Variants in WDFY1 observed in about 807,000 individuals in gnomAD.
WDFY1 encodes WD repeat and FYVE domain containing 1.
WDFY1 carries 32 observed loss-of-function variants against 56.4 expected under a neutral mutation model. The observed-to-expected ratio is 0.57, with a 90% CI of 0.43 to 0.76. The LOEUF is 0.76. WDFY1 is among the 30% of genes least tolerant of loss of function. The pLI is 0.00. For missense variants in WDFY1, 480 were observed against 545.7 expected, an observed-to-expected ratio of 0.88 and a Z score of 1.20; for synonymous variants, 192 against 197.3, an observed-to-expected ratio of 0.97 and a Z score of 0.23.
chr2:223,918,004 G>C lies in WDFY1; in HGVS notation c.144C>G (p.Ile48Met). 6.2e-7 allele frequency: 1 copy of C among 1,613,962 alleles called. No homozygotes were observed. Among genetic ancestry groups the C allele is most frequent in the East Asian group, 2.2e-5 (1 of 44,886 alleles). Residue 48 changes from isoleucine (I) to methionine (M), a missense_variant, in exon 2 of 12, where the codon ATC becomes ATG. Ile to Met is a conservative substitution (Grantham distance 10, BLOSUM62 1). Transcript: ENST00000233055. The stretch of plus-strand genomic sequence containing the variant: ...CACTGTCTCTTTTCAGCCATACCCG[G>C]ATGGTTCTGTGGAGAAAAGAAAAGA... ...GVITASEDRT[I>M]RVWLKRDSGQ...
intron 4 of WDFY1, 67 bp downstream of exon 4, chr2:223,905,880 A>T: frequency 1.8e-6 from 2 of 1,115,054 alleles, no homozygotes; most frequent in Non-Finnish European, 2.4e-6. Context: ...TCATCATAAG[A>T]GATGATGTTC....
At chr2:223,924,635 A>T (rs1023759194) in intron 1 of WDFY1, among the ~76,000 whole-genome samples, 3 of 152,158 alleles carry the variant, frequency 2.0e-5, no homozygotes, top group African/African-American at 7.2e-5. Flanking sequence ...AAGTGCTGGG[A>T]TTACAGGTGT....
At chr2:223,941,267 T>TA (rs949211501) in intron 1 of WDFY1, among the ~76,000 whole-genome samples, 2 of 150,088 alleles carry the variant, frequency 1.3e-5, no homozygotes, top group African/African-American at 4.9e-5. Context: ...CCCAAAAACT[T>TA]TTTTTTTTTA....
At position 223,882,040 on chromosome 2, in the gene WDFY1, G is replaced by A. The variant is rs766005412; in HGVS notation, c.966C>T (p.Cys322=). The A allele has an allele frequency of 3.1e-6, 5 of 1,613,726 alleles. No homozygotes were observed. Among genetic ancestry groups the A allele is most frequent in the East Asian group, 2.2e-5 (1 of 44,886 alleles). ...HHCRKCGQAV[C]GKCSSKRSSY... ...TTGAGCGCTTGCTGCTGCACTTCCC[G>A]CAGACAGCCTGCCCGCATTTCCTGC... Residue 322 remains cysteine, a synonymous_variant, in exon 10 of 12, where the codon TGC becomes TGT. Coordinates refer to ENST00000233055, the MANE Select transcript of WDFY1 (RefSeq NM_020830.5).
In WDFY1 at chr2:223,894,221, C is replaced by T. The variant is rs756764699; in HGVS notation, c.831+13G>A. 16 of 1,613,878 alleles carry T rather than the reference C, an allele frequency of 9.9e-6. No individual in the cohort carries two copies. In the South Asian group the frequency reaches 1.3e-4, roughly 13 times the overall value. ...TCTCCCCCGATCAGCCTGGACTTGC[C>T]CTTGTCTCTTACCTCTTCTCTGCTA... On this transcript the variant is annotated intron_variant, in intron 8 of 11. Coordinates refer to ENST00000233055, the MANE Select transcript of WDFY1 (RefSeq NM_020830.5).
At chr2:223,943,184 T>TAAAAA (rs11311599) in intron 1 of WDFY1, among the ~76,000 whole-genome samples, 8 of 137,182 alleles carry the variant, frequency 5.8e-5, no homozygotes. Context: ...GCCTCCATCT[T>TAAAAA]AAAAAAAAAA....
At chr2:223,882,511 A>G (rs1300378220) in intron 9 of WDFY1, among the ~76,000 whole-genome samples, 1 of 152,216 alleles carries the variant, frequency 6.6e-6, no homozygotes, top group African/African-American at 2.4e-5. Context: ...CAATGTATCA[A>G]TTAACACTCA....
At chr2:223,901,378 A>G in intron 4 of WDFY1, 45 bp from the exon 5 acceptor site, 1 of 1,608,016 alleles carries the variant, frequency 6.2e-7, no homozygotes. Flanking sequence ...CAGAAACAGC[A>G]CTCTATGGGG....
At chr2:223,882,385 T>C (rs1280647442) in intron 9 of WDFY1, among the ~76,000 whole-genome samples, 1 of 152,216 alleles carries the variant, frequency 6.6e-6, no homozygotes, top group African/African-American at 2.4e-5. Context: ...AGTGCTGGGA[T>C]TACAGGCGTG....
At chr2:223,924,188 A>G (rs1367666705) in intron 1 of WDFY1, among the ~76,000 whole-genome samples, 1 of 152,226 alleles carries the variant, frequency 6.6e-6, no homozygotes, top group Non-Finnish European at 1.5e-5. Flanking sequence ...ATCTTTTCCA[A>G]ACTTCTCCAT....
intron 1 of WDFY1, among the ~76,000 whole-genome samples, chr2:223,926,822 T>C (rs1693991738): frequency 1.3e-5 from 2 of 152,116 alleles, no homozygotes; most frequent in African/African-American, 4.8e-5. Context: ...TGTGCAAAAC[T>C]GTGCCTGGCT....
intron 1 of WDFY1, among the ~76,000 whole-genome samples, chr2:223,941,766 C>A (rs1689309178): frequency 6.6e-6 from 1 of 152,138 alleles, no homozygotes; most frequent in Admixed American, 6.5e-5. Flanking sequence ...GTCCTCAGGG[C>A]CTGACACTCA....
At chr2:223,914,008 T>TTA (rs1199732377) in intron 2 of WDFY1, among the ~76,000 whole-genome samples, 1,564 of 141,846 alleles carry the variant, frequency 0.011, 28 homozygotes, top group African/African-American at 0.039. Context: ...TTTTTTTTTT[T>TTA]TTTTTTTTGA....
At chr2:223,907,937 G>A (rs1693627712) in intron 3 of WDFY1, among the ~76,000 whole-genome samples, 1 of 151,132 alleles carries the variant, frequency 6.6e-6, no homozygotes, top group African/African-American at 2.4e-5. Context: ...TCTGCTCACT[G>A]TAACCTCCAC....
At chr2:223,941,748 CCT>C (rs1475385808) in intron 1 of WDFY1, among the ~76,000 whole-genome samples, 1 of 152,146 alleles carries the variant, frequency 6.6e-6, no homozygotes, top group Non-Finnish European at 1.5e-5. Flanking sequence ...GCTTTTGACC[CCT>C]GTTGTGTCCT....
intron 8 of WDFY1, among the ~76,000 whole-genome samples, chr2:223,894,007 C>T (rs558421609): frequency 6.6e-5 from 10 of 152,332 alleles, no homozygotes; most frequent in South Asian, 4.1e-4. Flanking sequence ...CCAGCCTAAA[C>T]GCTGATTGTA....
Position 223,876,388 on chromosome 2 carries a change from T to G in WDFY1, c.*2283A>C, listed in dbSNP as rs565898425. The G allele has an allele frequency of 1.3e-5, 2 of 152,654 alleles. No individual in the cohort carries two copies. The highest frequency in any genetic ancestry group is 1.3e-4 in the Admixed American group (2 of 15,282). The allele number at this position is 152,654 out of a possible 1,614,324, so 9.5% of individuals were successfully genotyped here. On this transcript the variant is annotated 3_prime_UTR_variant, in exon 12 of 12. Coordinates refer to ENST00000233055, the MANE Select transcript of WDFY1 (RefSeq NM_020830.5). Reference sequence around the variant, plus strand: ...CTACTCAGTAAAATTGAGAAAATAATTTTTGCCCACTTCTATAAAAATATC... The same window carrying G: ...CTACTCAGTAAAATTGAGAAAATAAGTTTTGCCCACTTCTATAAAAATATC...
At chr2:223,901,948 T>C (rs1226943896) in intron 4 of WDFY1, among the ~76,000 whole-genome samples, 1 of 152,242 alleles carries the variant, frequency 6.6e-6, no homozygotes, top group Non-Finnish European at 1.5e-5. Context: ...AGGTATTCTG[T>C]CTGTTACCTA....
chr2:223,896,008 T>C (rs1693361766), intron 6 of WDFY1, among the ~76,000 whole-genome samples: 1 of 151,172 alleles, frequency 6.6e-6, no homozygotes, highest in African/African-American at 2.4e-5. Context: ...AAAAACAAAT[T>C]AGCCAGGCAT....
Sources: allele counts gnomAD v4.1 joint callset (sites outside exome capture counted in the v4.1 genomes callset), GRCh38; gene constraint gnomAD v4.1.1; transcripts MANE v1.5; gene names NCBI Gene and HGNC (gene_info 2026-07-23, HGNC 2026-07-21).